Variants in ARSB observed in about 807,000 individuals in gnomAD.
The protein encoded by ARSB is arylsulfatase B.
In ARSB, 41 loss-of-function variants were observed where a neutral mutation model predicts 50.9. The ratio of observed to expected loss-of-function variants is 0.81; its 90% CI spans 0.63 to 1.04. The LOEUF is 1.04. Among genes scored for constraint, ARSB ranks in the 50% least tolerant of loss-of-function variants. The probability of loss-of-function intolerance (pLI) is 0.00; values close to 1 mark genes in which losing one functional copy is unlikely to be tolerated. For missense variants in ARSB, 672 were observed against 693.3 expected (o/e 0.97, Z 0.35); for synonymous variants, 269 against 284.8 (o/e 0.94, Z 0.56).
intron 5 of ARSB, among the ~76,000 whole-genome samples, chr5:78,849,775 A>C (rs1289800558): frequency 8.3e-5 from 12 of 144,116 alleles, no homozygotes; most frequent in African/African-American, 2.8e-4. Flanking sequence ...GAGGTCCTTC[A>C]CATCCCTTGT....
At chr5:78,974,208 G>A (rs1056005534) in intron 1 of ARSB, among the ~76,000 whole-genome samples, 1 of 152,224 alleles carries the variant, frequency 6.6e-6, no homozygotes, top group African/African-American at 2.4e-5. Context: ...TGCTGCTGAA[G>A]CCAAGAGCCT....
At chr5:78,946,184 G>T (rs1365011805) in intron 4 of ARSB, among the ~76,000 whole-genome samples, 1 of 152,192 alleles carries the variant, frequency 6.6e-6, no homozygotes, top group Non-Finnish European at 1.5e-5. Context: ...TGTTCTATCA[G>T]AGAAGGATTA....
intron 5 of ARSB, among the ~76,000 whole-genome samples, chr5:78,840,164 T>G (rs945070601): frequency 6.6e-6 from 1 of 152,188 alleles, no homozygotes; most frequent in Non-Finnish European, 1.5e-5. Context: ...GGGAGCACAA[T>G]AGGCACCCAG....
At chr5:78,890,575 A>C (rs754820711) in intron 4 of ARSB, among the ~76,000 whole-genome samples, 1 of 152,044 alleles carries the variant, frequency 6.6e-6, no homozygotes, top group Non-Finnish European at 1.5e-5. Context: ...TAATTTATAT[A>C]CCGCTTCAAG....
At position 78,895,785 on chromosome 5, in the gene ARSB, G is replaced by A. The variant is rs866354182; in HGVS notation, c.899-9958C>T. Among the ~76,000 whole-genome samples the A allele has an allele frequency of 2.4e-4, 36 of 152,306 alleles. 1 individual carries two copies. Among genetic ancestry groups the A allele is most frequent in the Middle Eastern group, 3.4e-3 (1 of 294 alleles). ...GCAGGGAGATCCATGTCTGGGCTCC[G>A]GAAATGGATAGTCAGCAGGTGGATG... On this transcript the variant is annotated intron_variant, in intron 4 of 7. Transcript: ENST00000264914.
At chr5:78,807,859 C>T (rs987453382) in intron 6 of ARSB, among the ~76,000 whole-genome samples, 9 of 151,774 alleles carry the variant, frequency 5.9e-5, no homozygotes, top group African/African-American at 1.9e-4. Flanking sequence ...TTTGGGAGGC[C>T]GAGGCGGGCG....
At chr5:78,797,360 C>T (rs935645021) in intron 6 of ARSB, among the ~76,000 whole-genome samples, 1 of 152,216 alleles carries the variant, frequency 6.6e-6, no homozygotes, top group African/African-American at 2.4e-5. Flanking sequence ...CAACATTTCG[C>T]TGGGTATTCT....
chr5:78,953,494 A>G (rs578118200), intron 4 of ARSB, among the ~76,000 whole-genome samples: 1 of 152,386 alleles, frequency 6.6e-6, no homozygotes, highest in African/African-American at 2.4e-5. Context: ...TCCCACACAT[A>G]GTAACTGCTC....
chr5:78,962,524 A>ATTT lies in ARSB; in HGVS notation c.690+1889_690+1891dup, dbSNP rs10683109. On this transcript the variant is annotated intron_variant, in intron 3 of 7. Coordinates refer to ENST00000264914, the MANE Select transcript of ARSB (RefSeq NM_000046.5). ...GTGTTTTCACTTCTACATGTGCTCG[A>ATTT]TTTTTTTTTTTTTTTTTTTTTGAGA... 5.7e-4 allele frequency among the ~76,000 whole-genome samples: 61 copies of ATTT among 106,190 alleles called. 4 individuals carry two copies. Among genetic ancestry groups the ATTT allele is most frequent in the African/African-American group, 8.3e-4 (21 of 25,286 alleles). The allele number at this position is 106,190 out of a possible 152,430, so 69.7% of individuals were successfully genotyped here.
rs114144440 is a variant in ARSB, at chr5:78,896,724, A to G, written c.899-10897T>C. ...TAATAGCAACTATAATGATAGGAAAAGTACTGAAATCAGAAGAAAGTTTGT... is the reference window on the plus strand; with the variant it reads ...TAATAGCAACTATAATGATAGGAAAGGTACTGAAATCAGAAGAAAGTTTGT... On this transcript the variant is annotated intron_variant, in intron 4 of 7. Transcript: ENST00000264914. 7.5e-3 allele frequency among the ~76,000 whole-genome samples: 1,150 copies of G among 152,344 alleles called. 13 individuals are homozygous for G. The highest frequency in any genetic ancestry group is 0.025 in the African/African-American group (1,041 of 41,582).
chr5:78,915,679 AT>A (rs999670442), intron 4 of ARSB, among the ~76,000 whole-genome samples: 21 of 152,172 alleles, frequency 1.4e-4, no homozygotes, highest in Non-Finnish European at 2.6e-4. Context: ...GGGATTTAAA[AT>A]TTTTTTTGTG....
intron 6 of ARSB, chr5:78,816,132 T>A (rs765299062): frequency 1.2e-6 from 2 of 1,614,094 alleles, no homozygotes; most frequent in Admixed American, 3.3e-5. Context: ...ACACACAAAA[T>A]GACTTTCCTG....
chr5:78,783,531 C>T (rs1748985359), intron 6 of ARSB: 1 of 152,088 alleles, frequency 6.6e-6, no homozygotes, highest in Non-Finnish European at 1.5e-5. Context: ...TTTTTGACTT[C>T]TTGTTTCTCT....
Position 78,955,489 on chromosome 5 carries a change from T to C in ARSB, c.704A>G (p.Tyr235Cys), listed in dbSNP as rs745804096. ...CTCATGCACAGACTGGAGAGCAAGG[T>C]AGAGAAACAGAGGCTGGAAAGAAAG... is the stretch of plus-strand genomic sequence containing the variant. ...NHPPEKPLFL[Y>C]LALQSVHEPL... The change falls in exon 4 of 8, where the codon TAC becomes TGC. Residue 235 changes from tyrosine to cysteine, a missense_variant. By Grantham distance (194) the Tyr-to-Cys change is radical (BLOSUM62 -2). Transcript: ENST00000264914. 49 of 1,613,830 alleles carry C rather than the reference T, an allele frequency of 3.0e-5. No individual in the cohort carries two copies. The highest frequency in any genetic ancestry group is 3.3e-5 in the Admixed American group (2 of 59,986).
At chr5:78,789,578 A>G (rs1749181671) in intron 6 of ARSB, among the ~76,000 whole-genome samples, 2 of 152,234 alleles carry the variant, frequency 1.3e-5, no homozygotes, top group African/African-American at 4.8e-5. Flanking sequence ...TTGAGTCTAC[A>G]AAGTCATCAC....
chr5:78,814,747 C>T (rs1743930556), intron 6 of ARSB, among the ~76,000 whole-genome samples: 1 of 150,758 alleles, frequency 6.6e-6, no homozygotes, highest in Admixed American at 6.6e-5. Context: ...TATATGCTTT[C>T]CATGTCTACA....
Position 78,836,813 on chromosome 5 carries a change from G to C in ARSB, c.1213+2543C>G, listed in dbSNP as rs553023929. On this transcript the variant is annotated intron_variant, in intron 6 of 7. Transcript: ENST00000264914. Reference sequence around the variant, plus strand: ...AGGTATAAATAAGAGAGGTTTAATTGGTTCAGGGTTCCACAGGCTGTACAG... The same window carrying C: ...AGGTATAAATAAGAGAGGTTTAATTCGTTCAGGGTTCCACAGGCTGTACAG... Among the ~76,000 whole-genome samples the C allele has an allele frequency of 3.9e-5, 6 of 152,252 alleles. No individual in the cohort carries two copies. In the South Asian group the frequency reaches 1.2e-3, roughly 32 times the overall value.
At chr5:78,966,383 G>C (rs1330595090) in intron 2 of ARSB, among the ~76,000 whole-genome samples, 3 of 148,782 alleles carry the variant, frequency 2.0e-5, no homozygotes, top group Admixed American at 2.0e-4. Context: ...AATGCTTCTT[G>C]AACAACCAAA....
chr5:78,837,038 C>T (rs13177269), intron 6 of ARSB, among the ~76,000 whole-genome samples: 33,835 of 152,100 alleles, frequency 0.22, 4,203 homozygotes, highest in Non-Finnish European at 0.27. Flanking sequence ...ATCCAGTCAC[C>T]TCCCGCCGGG....
Sources: gnomAD v4.1 joint callset for allele counts (sites outside exome capture counted in the v4.1 genomes callset) on GRCh38, gnomAD v4.1.1 for gene constraint, MANE v1.5 for transcripts, NCBI Gene and HGNC (gene_info 2026-07-23, HGNC 2026-07-21) for gene names.